Variants in MLIP observed in about 807,000 individuals in gnomAD.
The protein encoded by MLIP is muscular LMNA interacting protein, also known as muscular LMNA-interacting protein.
A neutral mutation model predicts 84.8 loss-of-function variants in MLIP; 79 were observed. That is an observed-to-expected ratio of 0.93 (90% CI 0.78 to 1.12). MLIP has a LOEUF of 1.12. Ranked by LOEUF, MLIP falls within the 50% of genes most tolerant of loss-of-function variation. The pLI is 0.00. For missense variants in MLIP, 1,257 were observed against 1,160.6 expected (o/e 1.08, Z -1.21); for synonymous variants, 504 against 463.0 (o/e 1.09, Z -1.14).
chr6:54,137,013 C>T lies in MLIP; in HGVS notation c.944C>T (p.Ala315Val), dbSNP rs1321776995. Residue 315 changes from alanine to valine, a missense_variant, in exon 4 of 14, where the codon GCA becomes GTA. Transcript: ENST00000502396. ...GGTTCTAATTTACCCAGTTCAACTG[C>T]AGCAGATCCAAAGCCTGGACTGACC... ...LSGSNLPSST[A>V]ADPKPGLTSE... The T allele has an allele frequency of 7.2e-6, 11 of 1,536,012 alleles. No homozygotes were observed. The highest frequency in any genetic ancestry group is 8.7e-6 in the Non-Finnish European group (10 of 1,146,910).
intron 1 of MLIP, among the ~76,000 whole-genome samples, chr6:54,070,020 T>G (rs1766387135): frequency 6.6e-6 from 1 of 151,716 alleles, no homozygotes. Context: ...TTAAAATTTT[T>G]GTCACAGTGT....
At chr6:54,166,259 C>G (rs1211679107) in intron 8 of MLIP, among the ~76,000 whole-genome samples, 1 of 151,826 alleles carries the variant, frequency 6.6e-6, no homozygotes, top group Non-Finnish European at 1.5e-5. Context: ...TAACTAATAC[C>G]TTTCAATGAA....
At chr6:54,259,305 A>G (rs1783229484) in intron 13 of MLIP, among the ~76,000 whole-genome samples, 1 of 151,888 alleles carries the variant, frequency 6.6e-6, no homozygotes, top group Admixed American at 6.6e-5. Context: ...TCAGAAATAG[A>G]AGAATGATTA....
chr6:54,189,044 A>C (rs776129567), intron 9 of MLIP, among the ~76,000 whole-genome samples: 1 of 152,202 alleles, frequency 6.6e-6, no homozygotes, highest in Non-Finnish European at 1.5e-5. Context: ...TTCAGACAAC[A>C]TCCAAGACAG....
chr6:54,191,169 A>C (rs1346251863), intron 10 of MLIP, among the ~76,000 whole-genome samples: 2 of 152,142 alleles, frequency 1.3e-5, no homozygotes, highest in Non-Finnish European at 2.9e-5. Context: ...TCTTCACTAA[A>C]ATGATGGAAA....
At chr6:54,220,904 A>G (rs773175230) in intron 11 of MLIP, among the ~76,000 whole-genome samples, 3 of 151,330 alleles carry the variant, frequency 2.0e-5, no homozygotes, top group South Asian at 2.1e-4. Flanking sequence ...TAGGTAACCT[A>G]TAACGACAAA....
At position 54,248,716 on chromosome 6, in the gene MLIP, T is replaced by A. The variant is rs186400196; in HGVS notation, c.2923-8592T>A. On this transcript the variant is annotated intron_variant, in intron 12 of 13. Transcript: ENST00000502396. ...AGGCCAAGAATAAAAATAGCATAAT[T>A]TAGGAGTTTTCCGTCATATTTCAGA... is the stretch of plus-strand genomic sequence containing the variant. 2.7e-3 allele frequency among the ~76,000 whole-genome samples: 409 copies of A among 152,184 alleles called. 2 individuals are homozygous for A. Among genetic ancestry groups the A allele is most frequent in the Non-Finnish European group, 3.9e-3 (266 of 67,988 alleles).
intron 8 of MLIP, among the ~76,000 whole-genome samples, chr6:54,163,121 T>G (rs1265103685): frequency 1.3e-5 from 2 of 151,478 alleles, no homozygotes; most frequent in Non-Finnish European, 2.9e-5. Context: ...CGTTTTTGAG[T>G]TTTTAGAAGC....
At chr6:54,083,739 A>G (rs1187273781) in intron 1 of MLIP, 5 of 1,117,592 alleles carry the variant, frequency 4.5e-6, no homozygotes, top group Non-Finnish European at 6.5e-6. Flanking sequence ...GTTATGTTTT[A>G]GGTGGCATGG....
chr6:54,166,864 T>C (rs1775250743), intron 8 of MLIP, among the ~76,000 whole-genome samples: 1 of 151,982 alleles, frequency 6.6e-6, no homozygotes, highest in African/African-American at 2.4e-5. Context: ...TGCATACAAA[T>C]AAAATCTAGA....
intron 1 of MLIP, among the ~76,000 whole-genome samples, chr6:54,078,857 A>G (rs990958962): frequency 4.0e-5 from 6 of 151,784 alleles, no homozygotes; most frequent in African/African-American, 1.5e-4. Context: ...ACATGCAGCT[A>G]ATTTTTGCAT....
intron 1 of MLIP, among the ~76,000 whole-genome samples, chr6:54,061,929 T>A (rs1364676784): frequency 6.6e-6 from 1 of 152,192 alleles, no homozygotes; most frequent in Non-Finnish European, 1.5e-5. Context: ...CTTTCTCAAG[T>A]TGGTTGTATA....
At chr6:54,116,204 G>A (rs1223359017) in intron 1 of MLIP, among the ~76,000 whole-genome samples, 2 of 152,140 alleles carry the variant, frequency 1.3e-5, no homozygotes, top group East Asian at 1.9e-4. Context: ...GGGAGAGGGA[G>A]TGAGAGACTT....
chr6:54,176,070 G>A (rs919988568), intron 9 of MLIP, among the ~76,000 whole-genome samples: 2 of 151,978 alleles, frequency 1.3e-5, no homozygotes, highest in African/African-American at 2.4e-5. Flanking sequence ...GCATCCCTGG[G>A]ATAAATCCTA....
intron 9 of MLIP, among the ~76,000 whole-genome samples, chr6:54,176,271 C>G (rs1484780075): frequency 6.6e-6 from 1 of 150,524 alleles, no homozygotes; most frequent in African/African-American, 2.4e-5. Context: ...ATTCCCTTCT[C>G]CTTTGTTTGT....
intron 1 of MLIP, among the ~76,000 whole-genome samples, chr6:54,033,709 C>A (rs557812793): frequency 1.3e-5 from 2 of 152,026 alleles, no homozygotes; most frequent in Non-Finnish European, 2.9e-5. Context: ...CTCCCCATCA[C>A]CCCTTTATGA....
At chr6:54,220,269 T>G (rs746336734) in intron 11 of MLIP, among the ~76,000 whole-genome samples, 21 of 152,146 alleles carry the variant, frequency 1.4e-4, no homozygotes, top group Non-Finnish European at 2.8e-4. Flanking sequence ...GCATCATACT[T>G]GATAAGACAT....
chr6:54,052,569 A>G (rs1037259644), intron 1 of MLIP, among the ~76,000 whole-genome samples: 3 of 152,216 alleles, frequency 2.0e-5, no homozygotes, highest in Admixed American at 6.5e-5. Context: ...ATAATTATCC[A>G]CATAAAAATG....
chr6:54,239,547 G>T (rs1781591902), intron 12 of MLIP, among the ~76,000 whole-genome samples: 1 of 150,490 alleles, frequency 6.6e-6, no homozygotes, highest in African/African-American at 2.4e-5. Context: ...GAGGTATGCC[G>T]ATCATTTGAG....
Sources: gnomAD v4.1 joint callset for allele counts (sites outside exome capture counted in the v4.1 genomes callset) on GRCh38, gnomAD v4.1.1 for gene constraint, MANE v1.5 for transcripts, NCBI Gene and HGNC (gene_info 2026-07-23, HGNC 2026-07-21) for gene names.